The following TXLNB variants were observed in gnomAD, a reference collection of about 807,000 sequenced individuals.
TXLNB encodes the protein beta-taxilin.
A neutral mutation model predicts 57.4 loss-of-function variants in TXLNB; 37 were observed. The observed-to-expected ratio is 0.64, with a 90% CI of 0.50 to 0.85. The LOEUF (loss-of-function observed/expected upper bound fraction) is 0.85. TXLNB is among the 40% of genes least tolerant of loss of function. The pLI is 0.00. For missense variants in TXLNB, 848 were observed against 825.6 expected, an observed-to-expected ratio of 1.03 and a Z score of -0.33; for synonymous variants, 302 against 309.6, an observed-to-expected ratio of 0.98 and a Z score of 0.26.
At chr6:139,256,470 C>G (rs544702366) in intron 6 of TXLNB, among the ~76,000 whole-genome samples, 53 of 152,258 alleles carry the variant, frequency 3.5e-4, no homozygotes, top group Non-Finnish European at 7.1e-4. Context: ...ACTGGAATTA[C>G]AGACACCTGC....
At chr6:139,191,338 G>C in the TXLNB span, among the ~76,000 whole-genome samples, 1 of 152,172 alleles carries the variant, frequency 6.6e-6, no homozygotes, top group Admixed American at 6.5e-5. Flanking sequence ...AGAATCGCTT[G>C]AACCTGGGAG....
chr6:139,279,657 A>G (rs1257171778), intron 2 of TXLNB, among the ~76,000 whole-genome samples: 1 of 152,202 alleles, frequency 6.6e-6, no homozygotes, highest in Non-Finnish European at 1.5e-5. Flanking sequence ...ACAAAAGGCT[A>G]TCATTACATC....
chr6:139,229,091 C>T, the TXLNB span, among the ~76,000 whole-genome samples: 1 of 152,126 alleles, frequency 6.6e-6, no homozygotes, highest in Non-Finnish European at 1.5e-5. Flanking sequence ...GATATGTCTG[C>T]TCTTTGCTAA....
chr6:139,247,764 T>C, intron 8 of TXLNB, 53 bp downstream of exon 8: 4 of 1,303,392 alleles, frequency 3.1e-6, no homozygotes, highest in Non-Finnish European at 3.2e-6. Flanking sequence ...AAAGGAAATT[T>C]GCCTGTCAAA....
the TXLNB span, among the ~76,000 whole-genome samples, chr6:139,214,237 C>T: frequency 6.6e-6 from 1 of 152,154 alleles, no homozygotes; most frequent in East Asian, 1.9e-4. Context: ...CAATAAAACA[C>T]TGGCAAACTG....
the TXLNB span, among the ~76,000 whole-genome samples, chr6:139,182,131 C>T: frequency 2.6e-5 from 4 of 152,174 alleles, no homozygotes; most frequent in Admixed American, 6.5e-5. Context: ...ATTCAAATAT[C>T]ATTCTTGGCC....
upstream of TXLNB, among the ~76,000 whole-genome samples, chr6:139,296,099 T>G (rs1777384536): frequency 6.6e-6 from 1 of 152,154 alleles, no homozygotes; most frequent in Non-Finnish European, 1.5e-5. Context: ...GTCCTGGCAC[T>G]TCCCCTGCTG....
the TXLNB span, among the ~76,000 whole-genome samples, chr6:139,304,708 A>G: frequency 1.3e-5 from 2 of 152,242 alleles, no homozygotes; most frequent in African/African-American, 2.4e-5. Flanking sequence ...AGAGAAACTA[A>G]CAATGAAGAG....
the TXLNB span, among the ~76,000 whole-genome samples, chr6:139,193,869 T>G: frequency 2.4e-5 from 3 of 124,028 alleles, no homozygotes; most frequent in Admixed American, 8.5e-5. Flanking sequence ...TGAGACGGAG[T>G]CTCGCTCTGT....
chr6:139,236,244 C>T (rs192370059), downstream of TXLNB, among the ~76,000 whole-genome samples: 7 of 152,264 alleles, frequency 4.6e-5, no homozygotes, highest in Admixed American at 1.3e-4. Context: ...CACCTGCAGA[C>T]GGCTAAACTG....
chr6:139,262,566 A>AT lies in TXLNB; in HGVS notation c.882+12dup, dbSNP rs763537177. 3.1e-6 allele frequency: 5 copies of AT among 1,606,962 alleles called. 1 individual carries two copies. The highest frequency in any genetic ancestry group is 3.4e-6 in the Non-Finnish European group (4 of 1,176,632). Reference sequence around the variant, plus strand: ...TCTATGTACTGTTCTAAGTTGTTTGATGTGGTTCTCACCTCCTCTCTGAGC... The same window carrying AT: ...TCTATGTACTGTTCTAAGTTGTTTGATTGTGGTTCTCACCTCCTCTCTGAGC... On this transcript the variant is annotated intron_variant, in intron 5 of 9. Transcript: ENST00000358430.
the TXLNB span, among the ~76,000 whole-genome samples, chr6:139,300,705 G>A: frequency 3.9e-5 from 6 of 152,158 alleles, no homozygotes; most frequent in African/African-American, 1.2e-4. Flanking sequence ...AGACCAGCCT[G>A]ACCAACATGG....
At chr6:139,300,346 G>C in the TXLNB span, among the ~76,000 whole-genome samples, 4 of 152,274 alleles carry the variant, frequency 2.6e-5, no homozygotes, top group South Asian at 6.2e-4. Context: ...ATAGGATGTA[G>C]AACAACGCAA....
chr6:139,279,557 G>A (rs1366399258), intron 2 of TXLNB, among the ~76,000 whole-genome samples: 1 of 152,218 alleles, frequency 6.6e-6, no homozygotes, highest in African/African-American at 2.4e-5. Context: ...ACTGACCTCA[G>A]TTTTTAAACT....
chr6:139,180,919 G>A, the TXLNB span: 72 of 152,352 alleles, frequency 4.7e-4, no homozygotes, highest in African/African-American at 1.7e-3. Flanking sequence ...CACTATTCAG[G>A]TAACCATTTC....
chr6:139,270,185 G>C (rs894415598), intron 4 of TXLNB, among the ~76,000 whole-genome samples: 1 of 152,156 alleles, frequency 6.6e-6, no homozygotes, highest in Non-Finnish European at 1.5e-5. Flanking sequence ...GGCCTGCACT[G>C]TGTCAGGTAC....
the TXLNB span, chr6:139,178,587 T>G: frequency 1.1e-5 from 1 of 92,066 alleles, no homozygotes; most frequent in East Asian, 2.0e-4. Flanking sequence ...TTTTTTCTTT[T>G]TTTTGAGATG....
At chr6:139,297,066 C>T in the TXLNB span, among the ~76,000 whole-genome samples, 458 of 152,190 alleles carry the variant, frequency 3.0e-3, no homozygotes, top group African/African-American at 0.011. Flanking sequence ...CTTGCCTGTC[C>T]CACTTACATC....
At chr6:139,300,546 C>T in the TXLNB span, among the ~76,000 whole-genome samples, 4,116 of 152,232 alleles carry the variant, frequency 0.027, 88 homozygotes, top group Non-Finnish European at 0.04. Flanking sequence ...GTCTGCCTTT[C>T]GAAAGGCTTT....
Sources: gnomAD v4.1 joint callset for allele counts (sites outside exome capture counted in the v4.1 genomes callset) on GRCh38, gnomAD v4.1.1 for gene constraint, MANE v1.5 for transcripts, NCBI Gene and HGNC (gene_info 2026-07-23, HGNC 2026-07-21) for gene names.